Variants in NEMP2 observed in about 807,000 individuals in gnomAD.
NEMP2 encodes UPF0571 transmembrane protein.
NEMP2 carries 53 observed loss-of-function variants against 54.2 expected under a neutral mutation model. The ratio of observed to expected loss-of-function variants is 0.98; its 90% CI spans 0.78 to 1.23. NEMP2 has a LOEUF of 1.23. Ranked by LOEUF, NEMP2 falls within the 50% of genes most tolerant of loss-of-function variation. NEMP2 has a pLI of 0.00. For synonymous variants in NEMP2, 197 were observed against 190.3 expected, an observed-to-expected ratio of 1.04 and a Z score of -0.29; for missense variants, 455 against 511.3, an observed-to-expected ratio of 0.89 and a Z score of 1.06.
downstream of NEMP2, chr2:190,502,364 G>C (rs930813097): frequency 6.6e-6 from 1 of 152,166 alleles, no homozygotes; most frequent in Non-Finnish European, 1.5e-5. The surrounding 1 kb of genome is among the most constrained non-coding windows in gnomAD (Gnocchi z 4.4). Flanking sequence ...AACACACACA[G>C]GGGTGTCACA....
chr2:190,533,906 A>G lies in NEMP2; in HGVS notation c.97+653T>C. ...CCCAGTGTGCCAGCATCTTAAGCCC[A>G]CTCCGTGGCGAGCCCCTACAGCTAG... is the stretch of plus-strand genomic sequence containing the variant. On this transcript the variant is annotated intron_variant, in intron 1 of 8. Transcript: ENST00000409150. The surrounding 1 kb of genome is among the most constrained non-coding windows in gnomAD (Gnocchi z 4.3). 5.5e-6 allele frequency: 5 copies of G among 914,940 alleles called. No homozygotes were observed. The highest frequency in any genetic ancestry group is 6.5e-6 in the Non-Finnish European group (5 of 765,906). 56.7% of individuals were successfully genotyped at this position (914,940 alleles called of 1,614,324 possible).
the NEMP2 span, among the ~76,000 whole-genome samples, chr2:190,492,631 G>A: frequency 6.6e-6 from 1 of 152,122 alleles, no homozygotes; most frequent in Non-Finnish European, 1.5e-5. This position sits in a 1 kb window ranked among gnomAD's most constrained non-coding sequence, Gnocchi z 5.2. Context: ...AAACCTCTGG[G>A]ATACAGCAAA....
chr2:190,448,338 G>A, the NEMP2 span, among the ~76,000 whole-genome samples: 2 of 152,202 alleles, frequency 1.3e-5, no homozygotes, highest in Non-Finnish European at 2.9e-5. Flanking sequence ...TCATACACAT[G>A]CAGAAAGATG....
chr2:190,536,092 G>T (rs149593816), upstream of NEMP2: 10 of 152,344 alleles, frequency 6.6e-5, no homozygotes, highest in African/African-American at 2.2e-4. Context: ...TTATATCACA[G>T]ATCCTTAGTA....
rs1191975672 is a variant in NEMP2 at position 190,514,694 on chromosome 2, A to G, written c.728-16T>C. ...AAGACATAGCCTGGAAAAGTGGAAG[A>G]GGTAAAATAATATAAATTTGAATTT... On this transcript the variant is annotated splice_polypyrimidine_tract_variant and intron_variant, in intron 6 of 8. Coordinates refer to ENST00000409150, the MANE Select transcript of NEMP2 (RefSeq NM_001142645.2). The surrounding 1 kb of genome is among the most constrained non-coding windows in gnomAD (Gnocchi z 5.7). 1 of 1,544,520 alleles carries G rather than the reference A, an allele frequency of 6.5e-7. No homozygotes were observed. The highest frequency in any genetic ancestry group is 1.4e-5 in the African/African-American group (1 of 72,804).
the NEMP2 span, among the ~76,000 whole-genome samples, chr2:190,462,423 C>G: frequency 6.6e-6 from 1 of 152,280 alleles, no homozygotes; most frequent in Non-Finnish European, 1.5e-5. The surrounding 1 kb of genome is among the most constrained non-coding windows in gnomAD (Gnocchi z 5.7). Flanking sequence ...TTGAGAAATA[C>G]TGTTTTCATG....
At chr2:190,489,282 T>A in the NEMP2 span, among the ~76,000 whole-genome samples, 1 of 152,176 alleles carries the variant, frequency 6.6e-6, no homozygotes, top group Non-Finnish European at 1.5e-5. The surrounding 1 kb of genome is among the most constrained non-coding windows in gnomAD (Gnocchi z 6.6). Flanking sequence ...ATATCTTCCT[T>A]ATTAGAAACA....
In NEMP2 at chr2:190,528,364, C is replaced by CA. The variant is rs1210796116; in HGVS notation, c.98-2987dup. On this transcript the variant is annotated intron_variant, in intron 1 of 8. Transcript: ENST00000409150. This position sits in a 1 kb window ranked among gnomAD's most constrained non-coding sequence, Gnocchi z 4.3. ...GATCAGATCTCTGGATTCACCTTGT[C>CA]ATGTTCTGCCTTTGCACAGCCTCCT... Among the ~76,000 whole-genome samples the CA allele has an allele frequency of 6.6e-6, 1 of 152,176 alleles. No individual in the cohort carries two copies.
chr2:190,618,502 T>G, the NEMP2 span, among the ~76,000 whole-genome samples: 2 of 152,202 alleles, frequency 1.3e-5, no homozygotes, highest in African/African-American at 4.8e-5. Flanking sequence ...TCCTTCCCGC[T>G]CTTCGACCAA....
chr2:190,534,279 G>C, intron 1 of NEMP2: 1 of 1,155,920 alleles, frequency 8.7e-7, no homozygotes, highest in Non-Finnish European at 1.1e-6. Context: ...CTGAGTTTCG[G>C]TTGCTTCTGT....
the NEMP2 span, among the ~76,000 whole-genome samples, chr2:190,481,316 G>A: frequency 6.6e-6 from 1 of 152,098 alleles, no homozygotes; most frequent in Non-Finnish European, 1.5e-5. Flanking sequence ...TTTTAAGTTT[G>A]CAAGCTAGAG....
At chr2:190,571,552 A>T in the NEMP2 span, among the ~76,000 whole-genome samples, 2 of 151,186 alleles carry the variant, frequency 1.3e-5, no homozygotes, top group African/African-American at 4.9e-5. Flanking sequence ...CAAAAAATAT[A>T]ATAATAATAA....
the NEMP2 span, among the ~76,000 whole-genome samples, chr2:190,621,709 G>A: frequency 6.6e-6 from 1 of 152,100 alleles, no homozygotes; most frequent in African/African-American, 2.4e-5. Context: ...AATATCAATG[G>A]AATAGAATTG....
chr2:190,423,328 A>C, the NEMP2 span, among the ~76,000 whole-genome samples: 2 of 152,136 alleles, frequency 1.3e-5, no homozygotes, highest in African/African-American at 4.8e-5. The surrounding 1 kb of genome is among the most constrained non-coding windows in gnomAD (Gnocchi z 4.3). Flanking sequence ...TCACCTGTCT[A>C]TCTCTATTTC....
the NEMP2 span, among the ~76,000 whole-genome samples, chr2:190,428,707 T>C: frequency 2.0e-5 from 3 of 152,078 alleles, no homozygotes. Flanking sequence ...AGAGTTGCAC[T>C]CTTTCACCCA....
At chr2:190,560,627 A>G in the NEMP2 span, among the ~76,000 whole-genome samples, 1 of 152,238 alleles carries the variant, frequency 6.6e-6, no homozygotes, top group South Asian at 2.1e-4. This position sits in a 1 kb window ranked among gnomAD's most constrained non-coding sequence, Gnocchi z 5.4. Flanking sequence ...ATCTTAGGTG[A>G]TACCTTCTTT....
chr2:190,484,480 G>A, the NEMP2 span, among the ~76,000 whole-genome samples: 8 of 152,166 alleles, frequency 5.3e-5, no homozygotes, highest in African/African-American at 1.9e-4. Context: ...GTTTTCGGTA[G>A]CACAATTCCT....
chr2:190,639,310 A>G, the NEMP2 span, among the ~76,000 whole-genome samples: 1 of 152,092 alleles, frequency 6.6e-6, no homozygotes, highest in African/African-American at 2.4e-5. Flanking sequence ...CCCTCAAGAC[A>G]TGTAGTTATA....
chr2:190,476,314 A>G, the NEMP2 span, among the ~76,000 whole-genome samples: 1 of 152,230 alleles, frequency 6.6e-6, no homozygotes, highest in African/African-American at 2.4e-5. Context: ...CTCATCTGAC[A>G]AAGGGCTAAT....
Sources: gnomAD v4.1 joint callset for allele counts (sites outside exome capture counted in the v4.1 genomes callset) on GRCh38, gnomAD v4.1.1 for gene constraint, Gnocchi (gnomAD v3.1) non-coding constraint, MANE v1.5 for transcripts, NCBI Gene and HGNC (gene_info 2026-07-23, HGNC 2026-07-21) for gene names.